MARCO: variants seen among roughly 807,000 people sequenced by gnomAD.
MARCO encodes the protein macrophage receptor with collagenous structure.
In MARCO, 72 loss-of-function variants were observed where a neutral mutation model predicts 70.0. That is an observed-to-expected ratio of 1.03 (90% CI 0.85 to 1.25). The LOEUF (loss-of-function observed/expected upper bound fraction) is 1.25. MARCO is among the 50% of genes most tolerant of loss of function. The pLI is 0.00. For synonymous variants in MARCO, 273 were observed against 243.1 expected (o/e 1.12, Z -1.14); for missense variants, 696 against 659.3 (o/e 1.06, Z -0.61).
intron 9 of MARCO, 26 bp from the exon 10 acceptor site, chr2:118,981,595 T>C (rs773078541): frequency 2.5e-6 from 4 of 1,606,432 alleles, no homozygotes; most frequent in Non-Finnish European, 3.4e-6. Context: ...GAAAAAAAAA[T>C]TCCTAAAAGT....
chr2:118,992,456 A>C lies in MARCO; in HGVS notation c.1232A>C (p.Lys411Thr). 6.2e-7 allele frequency: 1 copy of C among 1,613,704 alleles called. No individual in the cohort carries two copies. The highest frequency in any genetic ancestry group is 8.5e-7 in the Non-Finnish European group (1 of 1,179,588). The change falls in exon 15 of 17, where the codon AAG becomes ACG. Residue 411 changes from lysine (K) to threonine (T), a missense_variant. Around this residue, in one of 3 missense-constraint regions of MARCO, gnomAD observed 605 missense variants for 537.6 expected, o/e 1.13. Transcript: ENST00000327097. ...GGATCTTCTGGGGAGCAAGGAGTAA[A>C]GGGAGAAAAAGGTGAAAGAGGTAAT... Reference protein sequence around the residue: ...VKGSSGEQGVKGEKGERGENS... With the variant: ...VKGSSGEQGVTGEKGERGENS...
chr2:118,943,670 G>C (rs564509033), intron 1 of MARCO, among the ~76,000 whole-genome samples: 3 of 152,230 alleles, frequency 2.0e-5, no homozygotes, highest in Non-Finnish European at 2.9e-5. Flanking sequence ...AAGGGAGTCC[G>C]TTAGAGAAAG....
intron 12 of MARCO, among the ~76,000 whole-genome samples, chr2:118,984,672 A>T (rs372807789): frequency 2.0e-5 from 3 of 152,342 alleles, no homozygotes; most frequent in African/African-American, 7.2e-5. Context: ...TATGTAGATC[A>T]TCCTGGAGTC....
chr2:118,982,132 T>C (rs1680404047), intron 10 of MARCO, 24 bp from the exon 11 acceptor site: 1 of 1,575,658 alleles, frequency 6.3e-7, no homozygotes, highest in East Asian at 2.3e-5. Context: ...CACCACAGCC[T>C]GGCAGTCACT....
chr2:118,974,580 G>C lies in MARCO; in HGVS notation c.613+15G>C, dbSNP rs768525832. 4.3e-6 allele frequency: 7 copies of C among 1,610,574 alleles called. No homozygotes were observed. In the South Asian group the frequency reaches 7.7e-5, roughly 18 times the overall value. On this transcript the variant is annotated intron_variant, in intron 6 of 16. Transcript: ENST00000327097. ...GGGAGAGGCGGGTGAGTAGGTGCTGGGTATGTACCCAGAAATACACAGCAA... is the reference window on the plus strand; with the variant it reads ...GGGAGAGGCGGGTGAGTAGGTGCTGCGTATGTACCCAGAAATACACAGCAA...
chr2:118,976,830 T>A (rs1680292381), intron 6 of MARCO, among the ~76,000 whole-genome samples: 1 of 152,180 alleles, frequency 6.6e-6, no homozygotes, highest in Non-Finnish European at 1.5e-5. Context: ...CAGGACATAT[T>A]CCTAGGTGCT....
At chr2:118,974,674 T>C in intron 6 of MARCO, 109 bp downstream of exon 6, 1 of 1,079,042 alleles carries the variant, frequency 9.3e-7, no homozygotes, top group Non-Finnish European at 1.3e-6. Context: ...CTGAGGGGTC[T>C]GTAGGTGAAC....
At chr2:118,973,585 G>T (rs1680216575) in intron 4 of MARCO, among the ~76,000 whole-genome samples, 1 of 152,124 alleles carries the variant, frequency 6.6e-6, no homozygotes, top group South Asian at 2.1e-4. Context: ...GGCTTGCCTT[G>T]CCTGGTCAAG....
intron 12 of MARCO, among the ~76,000 whole-genome samples, chr2:118,985,618 T>C (rs1680470840): frequency 6.6e-6 from 1 of 152,298 alleles, no homozygotes; most frequent in South Asian, 2.1e-4. Flanking sequence ...TCACTTAGTA[T>C]TTCTAACATT....
chr2:118,964,053 A>G (rs1679997670), intron 1 of MARCO, among the ~76,000 whole-genome samples: 2 of 152,218 alleles, frequency 1.3e-5, no homozygotes, highest in Admixed American at 1.3e-4. Context: ...TGCAATATAC[A>G]TATGGAACTT....
chr2:118,978,024 C>T, intron 8 of MARCO, 89 bp downstream of exon 8: 2 of 771,662 alleles, frequency 2.6e-6, no homozygotes, highest in South Asian at 1.7e-5. Context: ...TATTCAGTGC[C>T]CACTGAGGGC....
intron 1 of MARCO, among the ~76,000 whole-genome samples, chr2:118,966,027 G>A (rs1680040321): frequency 6.6e-6 from 1 of 152,112 alleles, no homozygotes; most frequent in African/African-American, 2.4e-5. Context: ...ACGGGAGGAG[G>A]ACACCCTACC....
At position 118,974,981 on chromosome 2, in the gene MARCO, A is replaced by G. The variant is rs1680252922; in HGVS notation, c.613+416A>G. Among the ~76,000 whole-genome samples, 5 of 152,244 alleles carry G rather than the reference A, an allele frequency of 3.3e-5. No individual in the cohort carries two copies. In the South Asian group the frequency reaches 1.0e-3, roughly 32 times the overall value. On this transcript the variant is annotated intron_variant, in intron 6 of 16. Coordinates refer to ENST00000327097, the MANE Select transcript of MARCO (RefSeq NM_006770.4). ...AATGTTTCCTGATGTTCCCAAAGAA[A>G]CCGAGCCTCAGTTTCTTTTTCTGTG...
chr2:118,992,358 C>T, intron 14 of MARCO, 74 bp from the exon 15 acceptor site: 1 of 1,248,634 alleles, frequency 8.0e-7, no homozygotes, highest in Non-Finnish European at 1.2e-6. Context: ...ACCCGCTCCC[C>T]ACTCATGCAA....
chr2:118,990,569 C>CGGGGGG lies in MARCO; in HGVS notation c.1064-20_1064-19insGGGGGG. On this transcript the variant is annotated intron_variant, in intron 12 of 16. Coordinates refer to ENST00000327097, the MANE Select transcript of MARCO (RefSeq NM_006770.4). Reference sequence around the variant, plus strand: ...AGTTTTATTATCTCCTCCCCCCCCCCTTTTTTGTTTTGATCTTAGGACTTC... The same window carrying CGGGGGG: ...AGTTTTATTATCTCCTCCCCCCCCCCGGGGGGTTTTTTGTTTTGATCTTAGGACTTC... 5 of 1,415,936 alleles carry CGGGGGG rather than the reference C, an allele frequency of 3.5e-6. No individual in the cohort carries two copies. The highest frequency in any genetic ancestry group is 3.9e-6 in the Non-Finnish European group (4 of 1,028,294). The allele number at this position is 1,415,936 out of a possible 1,614,324, so 87.7% of individuals were successfully genotyped here. A position where few individuals can be genotyped will look rare whatever the true frequency, so the allele number is the denominator to read the frequency against.
rs115324338 is a variant in MARCO, at chr2:118,988,606, C to T, written c.1064-1983C>T. Among the ~76,000 whole-genome samples the T allele has an allele frequency of 3.4e-3, 511 of 152,168 alleles. 6 individuals are homozygous for T. Among genetic ancestry groups the T allele is most frequent in the African/African-American group, 0.012 (489 of 41,538 alleles). On this transcript the variant is annotated intron_variant, in intron 12 of 16. Coordinates refer to ENST00000327097, the MANE Select transcript of MARCO (RefSeq NM_006770.4). Reference sequence around the variant, plus strand: ...TTCAGGGACCCCAAGACATAGTGACCTCCCTGGATGTGGACTGTTTTCTAC... The same window carrying T: ...TTCAGGGACCCCAAGACATAGTGACTTCCCTGGATGTGGACTGTTTTCTAC...
chr2:118,972,420 A>C (rs901874780), intron 4 of MARCO, among the ~76,000 whole-genome samples: 1 of 152,188 alleles, frequency 6.6e-6, no homozygotes, highest in Non-Finnish European at 1.5e-5. Flanking sequence ...GCAGCCTTGC[A>C]AAGTGATGGA....
At chr2:118,973,879 A>G (rs1022985437) in intron 4 of MARCO, among the ~76,000 whole-genome samples, 3 of 152,210 alleles carry the variant, frequency 2.0e-5, no homozygotes, top group African/African-American at 7.2e-5. Flanking sequence ...TTCCATGAGG[A>G]TGAGAAGTCG....
intron 1 of MARCO, among the ~76,000 whole-genome samples, chr2:118,961,137 C>T (rs530196809): frequency 1.3e-5 from 2 of 152,246 alleles, no homozygotes; most frequent in South Asian, 2.1e-4. Flanking sequence ...TCCAGTCTAT[C>T]ATTGATGGAC....
Sources: gnomAD v4.1 joint callset for allele counts (sites outside exome capture counted in the v4.1 genomes callset) on GRCh38, gnomAD v4.1.1 for gene constraint, gnomAD v4.1.1 regional missense constraint, MANE v1.5 for transcripts, NCBI Gene and HGNC (gene_info 2026-07-23, HGNC 2026-07-21) for gene names.